Variants in MCM5 observed in about 807,000 individuals in gnomAD.
MCM5 encodes the protein minichromosome maintenance complex component 5.
In MCM5, 46 loss-of-function variants were observed where a neutral mutation model predicts 79.9. That is an observed-to-expected ratio of 0.58 (90% CI 0.45 to 0.74). MCM5 has a LOEUF of 0.74. Among genes scored for constraint, MCM5 ranks in the 30% least tolerant of loss-of-function variants. The pLI is 0.00. For missense variants in MCM5, 883 were observed against 1,017.0 expected (o/e 0.87, Z 1.79); for synonymous variants, 404 against 390.5 (o/e 1.03, Z -0.41).
intron 15 of MCM5, 156 bp from the exon 16 acceptor site, chr22:35,423,058 A>G (rs746348342): frequency 3.6e-5 from 23 of 643,772 alleles, no homozygotes; most frequent in Non-Finnish European, 5.5e-5. Context: ...CTGTCTCCTC[A>G]ATCAGGCCTG....
rs754768505 is a variant in MCM5, at chr22:35,419,979, G to A, written c.1799G>A (p.Ser600Asn). The change falls in exon 14 of 17, where the codon AGT (serine) becomes AAT (asparagine). Residue 600 changes from serine to asparagine, a missense_variant. Physicochemically the swap from Ser to Asn is conservative, Grantham distance 46. Coordinates refer to ENST00000216122, the MANE Select transcript of MCM5 (RefSeq NM_006739.4). ...GGGGCCCGTCAGCACGAGAGGGACAGTGACCGCCGCTCCAGCATCCCCATC... is the reference window on the plus strand; with the variant it reads ...GGGGCCCGTCAGCACGAGAGGGACAATGACCGCCGCTCCAGCATCCCCATC... ...RSGARQHERD[S>N]DRRSSIPITV... The A allele has an allele frequency of 6.8e-6, 11 of 1,612,376 alleles. No individual in the cohort carries two copies. The highest frequency in any genetic ancestry group is 9.3e-6 in the Non-Finnish European group (11 of 1,179,214).
the MCM5 span, among the ~76,000 whole-genome samples, chr22:35,451,619 G>T: frequency 6.6e-6 from 1 of 152,228 alleles, no homozygotes; most frequent in Admixed American, 6.5e-5. Context: ...CCGGACCCAG[G>T]GGTTGGGTTT....
the MCM5 span, among the ~76,000 whole-genome samples, chr22:35,448,462 C>A: frequency 6.6e-6 from 1 of 152,134 alleles, no homozygotes; most frequent in Non-Finnish European, 1.5e-5. Context: ...AGACCCTCCA[C>A]TCCTGCTAAA....
At chr22:35,453,819 T>TATATATATATATATAGAGAG in the MCM5 span, among the ~76,000 whole-genome samples, 3 of 81,544 alleles carry the variant, frequency 3.7e-5, no homozygotes, top group South Asian at 5.0e-4. Context: ...TATATATATA[T>TATATATATATATATAGAGAG]AGAGAGAGAG....
In MCM5 at chr22:35,407,181, G is replaced by A. The variant is rs548995884; in HGVS notation, c.596+456G>A. On this transcript the variant is annotated intron_variant, in intron 5 of 16. Transcript: ENST00000216122. ...GCAGAACCTGGAATGCACATCCTCC[G>A]GCCCTTTCTAGAAAATGTTTGCTGC... 5.3e-5 allele frequency among the ~76,000 whole-genome samples: 8 copies of A among 152,200 alleles called. No individual in the cohort carries two copies. The South Asian group carries it at 1.5e-3, about 28-fold the overall frequency.
chr22:35,417,787 C>T lies in MCM5; in HGVS notation c.1634C>T (p.Thr545Ile). Residue 545 changes from threonine (T) to isoleucine (I), a missense_variant, in exon 13 of 17, where the codon ACA becomes ATA. Around this residue, in one of 3 missense-constraint regions of MCM5, gnomAD observed 426 missense variants for 482.3 expected, o/e 0.88. Transcript: ENST00000216122. ...HVITLHVSAL[T>I]QTQAVEGEID... Reference sequence around the variant, plus strand: ...ATCACTCTGCACGTGAGCGCACTGACACAGACACAGGCTGTGGAGGGCGAG... The same window carrying T: ...ATCACTCTGCACGTGAGCGCACTGATACAGACACAGGCTGTGGAGGGCGAG... 6 of 1,614,180 alleles carry T rather than the reference C, an allele frequency of 3.7e-6. No individual in the cohort carries two copies. The highest frequency in any genetic ancestry group is 5.1e-6 in the Non-Finnish European group (6 of 1,180,004).
At chr22:35,403,689 T>C in intron 4 of MCM5, 147 bp downstream of exon 4, 1 of 1,028,958 alleles carries the variant, frequency 9.7e-7, no homozygotes, top group Non-Finnish European at 1.4e-6. Context: ...TGTTGTTTTT[T>C]GCTTTTTGTT....
chr22:35,439,175 T>A, the MCM5 span, among the ~76,000 whole-genome samples: 1 of 138,190 alleles, frequency 7.2e-6, no homozygotes, highest in Non-Finnish European at 1.6e-5. Flanking sequence ...ATCCATCCAC[T>A]CACCCGCCCA....
chr22:35,435,954 G>A, the MCM5 span, among the ~76,000 whole-genome samples: 2 of 152,024 alleles, frequency 1.3e-5, no homozygotes, highest in African/African-American at 4.8e-5. Flanking sequence ...ATCACCTGAG[G>A]TCGGGAGTTC....
the MCM5 span, among the ~76,000 whole-genome samples, chr22:35,436,164 C>CAAAA: frequency 2.8e-4 from 17 of 61,048 alleles, no homozygotes; most frequent in African/African-American, 5.4e-4. Context: ...AACTCAGTCT[C>CAAAA]AAAAAAAAAA....
the MCM5 span, among the ~76,000 whole-genome samples, chr22:35,434,590 A>G: frequency 3.9e-5 from 6 of 152,248 alleles, no homozygotes; most frequent in Non-Finnish European, 8.8e-5. Flanking sequence ...GAAAGGGCCT[A>G]TCTCCAGAAG....
chr22:35,415,352 A>G (rs1187020382), intron 9 of MCM5, among the ~76,000 whole-genome samples: 2 of 152,150 alleles, frequency 1.3e-5, no homozygotes, highest in Non-Finnish European at 2.9e-5. Flanking sequence ...AATCGTGCGT[A>G]TTTTGCACGA....
chr22:35,438,195 TCATCCATCCACCCACATGCATATC>T, the MCM5 span, among the ~76,000 whole-genome samples: 34 of 151,856 alleles, frequency 2.2e-4, no homozygotes, highest in African/African-American at 4.3e-4. Context: ...TTCCATCCAT[TCATCCATCCACCCACATGCATATC>T]CATCCATCCA....
At chr22:35,439,413 A>T in the MCM5 span, among the ~76,000 whole-genome samples, 1 of 49,508 alleles carries the variant, frequency 2.0e-5, no homozygotes, top group African/African-American at 8.4e-5. Flanking sequence ...CCACCCACCC[A>T]CATATTCATT....
chr22:35,407,189 C>T (rs1020375917), intron 5 of MCM5, among the ~76,000 whole-genome samples: 3 of 152,178 alleles, frequency 2.0e-5, no homozygotes, highest in East Asian at 1.9e-4. Flanking sequence ...CCGGCCCTTT[C>T]TAGAAAATGT....
At position 35,415,859 on chromosome 22, in the gene MCM5, G is replaced by A. The variant is rs200566547; in HGVS notation, c.1234G>A (p.Ala412Thr). 9.9e-6 allele frequency: 16 copies of A among 1,613,888 alleles called. No individual in the cohort carries two copies. Residue 412 changes from alanine to threonine, a missense_variant, in exon 10 of 17, where the codon GCT becomes ACT. Physicochemically the swap from Ala to Thr is moderately conservative, Grantham distance 58. Transcript: ENST00000216122. ...CACGTCTGGGAAAGGCAGCAGCGCA[G>A]CTGGACTGACAGCCTCGGTGATGAG... ...VYTSGKGSSA[A>T]GLTASVMRDP...
intron 15 of MCM5, 85 bp from the exon 16 acceptor site, chr22:35,423,129 G>A (rs2145803843): frequency 7.0e-7 from 1 of 1,433,204 alleles, no homozygotes; most frequent in Non-Finnish European, 9.4e-7. Context: ...GGCTCAGGCT[G>A]TTCTTCCTTG....
the MCM5 span, among the ~76,000 whole-genome samples, chr22:35,433,797 C>G: frequency 4.3e-4 from 66 of 152,270 alleles, 1 homozygote; most frequent in Non-Finnish European, 7.5e-4. Flanking sequence ...CATCCCTCCT[C>G]AGAGGCACTG....
At chr22:35,436,900 C>T in the MCM5 span, among the ~76,000 whole-genome samples, 2 of 151,800 alleles carry the variant, frequency 1.3e-5, no homozygotes, top group East Asian at 3.9e-4. Context: ...GGGGGAGAGT[C>T]AGTTCGCAGA....
Sources: allele counts gnomAD v4.1 joint callset (sites outside exome capture counted in the v4.1 genomes callset), GRCh38; gene constraint gnomAD v4.1.1; regional missense constraint gnomAD v4.1.1; transcripts MANE v1.5; gene names NCBI Gene and HGNC (gene_info 2026-07-23, HGNC 2026-07-21).